CADM2: variants seen among roughly 807,000 people sequenced by gnomAD.
The protein encoded by CADM2 is cell adhesion molecule 2.
CADM2 carries 12 observed loss-of-function variants against 49.8 expected under a neutral mutation model. The observed-to-expected ratio is 0.24, with a 90% CI of 0.15 to 0.39. CADM2 has a LOEUF of 0.39. Ranked by LOEUF, CADM2 falls within the 10% of genes least tolerant of loss-of-function variation. The pLI is 1.00. For synonymous variants in CADM2, 214 were observed against 175.4 expected (o/e 1.22, Z -1.74); for missense variants, 378 against 492.3 (o/e 0.77, Z 2.20).
At chr3:85,088,580 G>A (rs1364472251) in intron 1 of CADM2, among the ~76,000 whole-genome samples, 5 of 151,890 alleles carry the variant, frequency 3.3e-5, no homozygotes, top group Non-Finnish European at 7.4e-5. Context: ...TAGGAAATAG[G>A]CCTCTGAAAA....
chr3:85,476,419 A>G (rs899131367), intron 1 of CADM2, among the ~76,000 whole-genome samples: 2 of 151,950 alleles, frequency 1.3e-5, no homozygotes, highest in African/African-American at 4.8e-5. Flanking sequence ...TCCATTTTAA[A>G]AAATGATATT....
chr3:85,294,438 A>T (rs572623517), intron 1 of CADM2, among the ~76,000 whole-genome samples: 6 of 151,858 alleles, frequency 4.0e-5, no homozygotes, highest in Non-Finnish European at 7.4e-5. Context: ...GGAAAAAACT[A>T]CTTTAAAGTT....
chr3:85,965,741 C>T (rs996402496), intron 8 of CADM2, among the ~76,000 whole-genome samples: 3 of 151,540 alleles, frequency 2.0e-5, no homozygotes, highest in Non-Finnish European at 1.5e-5. Flanking sequence ...CAAGCAGAAA[C>T]TACCCGAATG....
chr3:85,576,517 T>A (rs780866462), intron 1 of CADM2, among the ~76,000 whole-genome samples: 11 of 152,172 alleles, frequency 7.2e-5, no homozygotes, highest in Non-Finnish European at 1.5e-5. Flanking sequence ...TCCATGACAA[T>A]GTTTACACAC....
At chr3:85,222,512 A>G (rs1034078709) in intron 1 of CADM2, among the ~76,000 whole-genome samples, 1 of 152,144 alleles carries the variant, frequency 6.6e-6, no homozygotes, top group Non-Finnish European at 1.5e-5. Context: ...AGCTACCTCG[A>G]ATCTGATAGT....
intron 1 of CADM2, among the ~76,000 whole-genome samples, chr3:85,105,327 C>A (rs1220059306): frequency 6.6e-6 from 1 of 152,014 alleles, no homozygotes; most frequent in Non-Finnish European, 1.5e-5. Flanking sequence ...TTTGTGAATC[C>A]AAAAAACACA....
chr3:85,388,177 T>TA (rs1462059748), intron 1 of CADM2, among the ~76,000 whole-genome samples: 1 of 152,152 alleles, frequency 6.6e-6, no homozygotes, highest in Non-Finnish European at 1.5e-5. Context: ...TACAGGAGCA[T>TA]AGCACCATGC....
intron 1 of CADM2, among the ~76,000 whole-genome samples, chr3:85,291,063 T>C (rs369519313): frequency 2.0e-5 from 3 of 152,136 alleles, no homozygotes; most frequent in East Asian, 3.9e-4. Context: ...GAATGTATAA[T>C]TAGAATAACC....
intron 1 of CADM2, among the ~76,000 whole-genome samples, chr3:85,104,220 T>C (rs1451774716): frequency 2.6e-5 from 4 of 151,400 alleles, no homozygotes; most frequent in Admixed American, 2.0e-4. Context: ...GAATTAATTT[T>C]TGTATAAGGT....
chr3:85,431,138 G>A (rs73843605), intron 1 of CADM2, among the ~76,000 whole-genome samples: 1,763 of 152,160 alleles, frequency 0.012, 28 homozygotes, highest in African/African-American at 0.041. Context: ...ACAATGTTCA[G>A]TACAATAACA....
At chr3:85,378,617 T>C (rs527617716) in intron 1 of CADM2, among the ~76,000 whole-genome samples, 1 of 152,046 alleles carries the variant, frequency 6.6e-6, no homozygotes, top group Non-Finnish European at 1.5e-5. Flanking sequence ...TACCCTTGAA[T>C]GAATATTCAC....
chr3:85,144,555 T>C (rs2039673944), intron 1 of CADM2, among the ~76,000 whole-genome samples: 1 of 148,702 alleles, frequency 6.7e-6, no homozygotes, highest in African/African-American at 2.5e-5. Context: ...GAGGTTGCAG[T>C]GAGCCAAGAT....
At chr3:86,052,923 A>G (rs560044686) in intron 8 of CADM2, among the ~76,000 whole-genome samples, 1 of 152,238 alleles carries the variant, frequency 6.6e-6, no homozygotes, top group African/African-American at 2.4e-5. Context: ...TATTTCTGTC[A>G]TTATATCAGT....
chr3:86,074,207 C>T lies in CADM2; in HGVS notation c.*7424C>T, dbSNP rs1160810701. The T allele has an allele frequency of 6.6e-6, 1 of 151,926 alleles. No individual in the cohort carries two copies. The highest frequency in any genetic ancestry group is 2.4e-5 in the African/African-American group (1 of 41,414). 9.4% of individuals were successfully genotyped at this position (151,926 alleles called of 1,614,324 possible). A position where few individuals can be genotyped will look rare whatever the true frequency, so the allele number is the denominator to read the frequency against. On this transcript the variant is annotated 3_prime_UTR_variant, in exon 10 of 10. Transcript: ENST00000383699. ...CAATTAATCATATATCCAACCTAAG[C>T]TTCTGCCAATAAGGATTTCAGATAA...
At chr3:85,381,494 T>C (rs2033904383) in intron 1 of CADM2, among the ~76,000 whole-genome samples, 1 of 147,720 alleles carries the variant, frequency 6.8e-6, no homozygotes, top group African/African-American at 2.5e-5. Context: ...AGTGTATATA[T>C]AAAGAATATA....
rs745920099 is a variant in CADM2, at chr3:86,066,762, G to T, written c.1194G>T (p.Glu398Asp). 1.2e-6 allele frequency: 2 copies of T among 1,611,698 alleles called. No individual in the cohort carries two copies. Among genetic ancestry groups the T allele is most frequent in the East Asian group, 2.2e-5 (1 of 44,838 alleles). The change falls in exon 10 of 10, where the codon GAG (glutamate) becomes GAT (aspartate). Residue 398 changes from glutamate to aspartate, a missense_variant. Physicochemically the swap from Glu to Asp is conservative, Grantham distance 45. Coordinates refer to ENST00000383699, the MANE Select transcript of CADM2 (RefSeq NM_001167675.2). ...AAGGCAGCCAAGTCAATGCTGAAGA[G>T]AAAAAAGAGTATTTCATTTAAGATG... is the stretch of plus-strand genomic sequence containing the variant. ...NAEGSQVNAEEKKEYFI is the reference protein window; with the variant it reads ...NAEGSQVNAEDKKEYFI
intron 1 of CADM2, among the ~76,000 whole-genome samples, chr3:85,637,167 A>AT (rs1399876501): frequency 2.0e-5 from 3 of 152,158 alleles, no homozygotes; most frequent in Admixed American, 6.5e-5. Flanking sequence ...AAAGTCATAT[A>AT]TTTTTTGAAA....
chr3:85,275,543 A>T (rs1006858634), intron 1 of CADM2, among the ~76,000 whole-genome samples: 6 of 151,378 alleles, frequency 4.0e-5, no homozygotes, highest in African/African-American at 1.5e-4. Flanking sequence ...TTTAATAAAA[A>T]TATAAAATCT....
chr3:85,840,617 T>C (rs571687653), intron 3 of CADM2, among the ~76,000 whole-genome samples: 83 of 152,006 alleles, frequency 5.5e-4, no homozygotes, highest in African/African-American at 1.9e-3. Context: ...TGACACAGAA[T>C]ACCTGTATTC....
Sources: gnomAD v4.1 joint callset for allele counts (sites outside exome capture counted in the v4.1 genomes callset) on GRCh38, gnomAD v4.1.1 for gene constraint, MANE v1.5 for transcripts, NCBI Gene and HGNC (gene_info 2026-07-23, HGNC 2026-07-21) for gene names.